The following PLEKHA6 variants were observed in gnomAD, a reference collection of about 807,000 sequenced individuals.
The protein encoded by PLEKHA6 is pleckstrin homology domain containing A6.
PLEKHA6 carries 60 observed loss-of-function variants against 116.7 expected under a neutral mutation model. The observed-to-expected ratio is 0.51, with a 90% CI of 0.42 to 0.64. The LOEUF is 0.64. Ranked by LOEUF, PLEKHA6 falls within the 30% of genes least tolerant of loss-of-function variation. The probability of loss-of-function intolerance (pLI) is 0.00; values close to 1 mark genes in which losing one functional copy is unlikely to be tolerated. For missense variants in PLEKHA6, 1,338 were observed against 1,422.7 expected (o/e 0.94, Z 0.96); for synonymous variants, 489 against 556.1 (o/e 0.88, Z 1.70).
intron 1 of PLEKHA6, among the ~76,000 whole-genome samples, chr1:204,356,820 G>A (rs191315062): frequency 8.3e-4 from 126 of 152,168 alleles, no homozygotes; most frequent in Non-Finnish European, 1.0e-4. Context: ...ATTTTTAAAT[G>A]ACAATGTATT....
Position 204,238,335 on chromosome 1 carries a change from C to A in PLEKHA6, c.2409+3040G>T, listed in dbSNP as rs1662348206. Among the ~76,000 whole-genome samples, 1 of 152,196 alleles carries A rather than the reference C, an allele frequency of 6.6e-6. No homozygotes were observed. Among genetic ancestry groups the A allele is most frequent in the African/African-American group, 2.4e-5 (1 of 41,448 alleles). ...GCAGGCCCCCATAGGTGAATCACAG[C>A]AGAAGCCCCTAGGATTTTGGAGCAA... On this transcript the variant is annotated intron_variant, in intron 17 of 22. Coordinates refer to ENST00000272203, the MANE Select transcript of PLEKHA6 (RefSeq NM_014935.5). This position sits in a 1 kb window ranked among gnomAD's most constrained non-coding sequence, Gnocchi z 4.2.
intron 5 of PLEKHA6, 26 bp from the exon 6 acceptor site, chr1:204,265,068 GGT>G (rs5780223): frequency 0.18 from 237,775 of 1,291,090 alleles, 20,825 homozygotes; most frequent in East Asian, 0.31. Context: ...GCACAAGAAG[GGT>G]GTGTGTGTGT....
At chr1:204,344,672 G>A (rs1672970319) in intron 1 of PLEKHA6, among the ~76,000 whole-genome samples, 1 of 151,808 alleles carries the variant, frequency 6.6e-6, no homozygotes, top group Non-Finnish European at 1.5e-5. Context: ...GATGTTCAGT[G>A]TTTTCTAACC....
intron 1 of PLEKHA6, among the ~76,000 whole-genome samples, chr1:204,341,445 T>C (rs1672843023): frequency 6.6e-6 from 1 of 152,184 alleles, no homozygotes; most frequent in Admixed American, 6.5e-5. Flanking sequence ...ACTGGGAGTC[T>C]GGTGCAGTAA....
chr1:204,364,089 T>G (rs1673609624), upstream of PLEKHA6, among the ~76,000 whole-genome samples: 1 of 152,202 alleles, frequency 6.6e-6, no homozygotes, highest in African/African-American at 2.4e-5. Flanking sequence ...TGTCAATATT[T>G]GCTCATTGAA....
At chr1:204,346,692 A>G (rs1296110939) in intron 1 of PLEKHA6, 11 of 713,762 alleles carry the variant, frequency 1.5e-5, no homozygotes, top group Non-Finnish European at 2.5e-5. Flanking sequence ...GACTCTTTGT[A>G]TTCTCTTTCC....
intron 1 of PLEKHA6, among the ~76,000 whole-genome samples, chr1:204,304,191 T>C (rs1319951364): frequency 6.6e-6 from 1 of 152,168 alleles, no homozygotes; most frequent in Non-Finnish European, 1.5e-5. Context: ...CTCCCTCATT[T>C]CCAAAAGGTG....
At chr1:204,366,146 A>G (rs1184718903) in intron 3 of PLEKHA6, among the ~76,000 whole-genome samples, 1 of 152,240 alleles carries the variant, frequency 6.6e-6, no homozygotes, top group Non-Finnish European at 1.5e-5. Context: ...GCCGTAATAC[A>G]TGTGAAAGTG....
At chr1:204,243,038 C>T in intron 15 of PLEKHA6, 1 of 399,232 alleles carries the variant, frequency 2.5e-6, no homozygotes, top group Non-Finnish European at 4.4e-6. Flanking sequence ...ACTCCAGGGC[C>T]CTGCCTTGCC....
Position 204,228,123 on chromosome 1 carries a change from G to T in PLEKHA6, c.2991C>A (p.Ala997=). 1 of 1,612,962 alleles carries T rather than the reference G, an allele frequency of 6.2e-7. No homozygotes were observed. The highest frequency in any genetic ancestry group is 8.5e-7 in the Non-Finnish European group (1 of 1,179,306). ...CCCTGCGGGAGGCCTCGGTCGCCAG[G>T]GCGCAGGAGATTTCAATCCGCTTCT... The part of the protein sequence containing the change: ...EQEKRIEISC[A]LATEASRRGR... The change falls in exon 21 of 23, where the codon GCC becomes GCA. Residue 997 remains alanine, a synonymous_variant. Coordinates refer to ENST00000272203, the MANE Select transcript of PLEKHA6 (RefSeq NM_014935.5). This position sits in a 1 kb window ranked among gnomAD's most constrained non-coding sequence, Gnocchi z 4.0.
chr1:204,334,248 G>A (rs1355363756), intron 1 of PLEKHA6, among the ~76,000 whole-genome samples: 1 of 152,198 alleles, frequency 6.6e-6, no homozygotes, highest in Non-Finnish European at 1.5e-5. Flanking sequence ...GGAGAGCCAA[G>A]GGTGGCAGGG....
At chr1:204,267,635 T>C in intron 4 of PLEKHA6, 88 bp from the exon 5 acceptor site, 6 of 1,107,308 alleles carry the variant, frequency 5.4e-6, no homozygotes, top group Non-Finnish European at 8.3e-6. Context: ...ACAGTGCCAA[T>C]TATAAGGACA....
intron 1 of PLEKHA6, among the ~76,000 whole-genome samples, chr1:204,292,140 C>A (rs1669830801): frequency 1.3e-5 from 2 of 152,194 alleles, no homozygotes; most frequent in South Asian, 4.1e-4. Flanking sequence ...AATAATGTAG[C>A]AGACCTGAAT....
chr1:204,351,804 A>G (rs944833932), intron 1 of PLEKHA6, among the ~76,000 whole-genome samples: 1 of 152,090 alleles, frequency 6.6e-6, no homozygotes, highest in Non-Finnish European at 1.5e-5. Flanking sequence ...GCCCTCCCCA[A>G]GCTCCTCCCA....
At chr1:204,325,870 T>C in intron 1 of PLEKHA6, 1 of 979,464 alleles carries the variant, frequency 1.0e-6, no homozygotes, top group East Asian at 1.1e-4. Context: ...AAGGGCAGCA[T>C]GGGGAGAAGT....
chr1:204,281,985 T>A (rs902769600), intron 1 of PLEKHA6, among the ~76,000 whole-genome samples: 15 of 152,116 alleles, frequency 9.9e-5, no homozygotes, highest in African/African-American at 3.6e-4. Flanking sequence ...AGGCAGAAGA[T>A]AGAAGAGATG....
At chr1:204,334,726 G>A (rs562162803) in intron 1 of PLEKHA6, among the ~76,000 whole-genome samples, 9 of 151,892 alleles carry the variant, frequency 5.9e-5, no homozygotes, top group East Asian at 5.8e-4. Context: ...TGGTGAAACC[G>A]CATCTCTACT....
At chr1:204,295,703 TC>T (rs1670210022) in intron 1 of PLEKHA6, among the ~76,000 whole-genome samples, 1 of 151,992 alleles carries the variant, frequency 6.6e-6, no homozygotes, top group East Asian at 1.9e-4. Context: ...GGCTGCCTGC[TC>T]ATCTGAAACC....
At chr1:204,342,344 A>G (rs768157388) in intron 1 of PLEKHA6, among the ~76,000 whole-genome samples, 1 of 152,222 alleles carries the variant, frequency 6.6e-6, no homozygotes, top group Non-Finnish European at 1.5e-5. Context: ...AACAAACAAA[A>G]AAACCTTTAT....
Sources: allele counts gnomAD v4.1 joint callset (sites outside exome capture counted in the v4.1 genomes callset), GRCh38; gene constraint gnomAD v4.1.1; non-coding constraint Gnocchi (gnomAD v3.1); transcripts MANE v1.5; gene names NCBI Gene and HGNC (gene_info 2026-07-23, HGNC 2026-07-21).